Variants in BCAS3 observed in about 807,000 individuals in gnomAD.
BCAS3 encodes the protein BCAS4/BCAS3 fusion.
BCAS3 carries 53 observed loss-of-function variants against 116.1 expected under a neutral mutation model. That is an observed-to-expected ratio of 0.46 (90% CI 0.37 to 0.57). The LOEUF is 0.57. Among genes scored for constraint, BCAS3 ranks in the 20% least tolerant of loss-of-function variants. The probability of loss-of-function intolerance (pLI) is 0.00; values close to 1 mark genes in which losing one functional copy is unlikely to be tolerated. For missense variants in BCAS3, 917 were observed against 1,165.4 expected (o/e 0.79, Z 3.10); for synonymous variants, 391 against 408.2 (o/e 0.96, Z 0.51).
At chr17:61,304,858 A>G (rs748074637) in intron 22 of BCAS3, among the ~76,000 whole-genome samples, 10 of 151,348 alleles carry the variant, frequency 6.6e-5, no homozygotes, top group Non-Finnish European at 1.5e-4. Flanking sequence ...GGTTCAAGGG[A>G]TTCTTCTGCC....
chr17:60,967,022 G>A lies in BCAS3; in HGVS notation c.1221+19670G>A, dbSNP rs1244514651. On this transcript the variant is annotated intron_variant, in intron 14 of 23. Coordinates refer to ENST00000407086, the MANE Select transcript of BCAS3 (RefSeq NM_017679.5). The surrounding 1 kb of genome is among the most constrained non-coding windows in gnomAD (Gnocchi z 4.7). ...TATGTTTTAACAGGTTGCTAATAGCGATTATTATTTTTGATAGATTTATCT... is the reference window on the plus strand; with the variant it reads ...TATGTTTTAACAGGTTGCTAATAGCAATTATTATTTTTGATAGATTTATCT... Among the ~76,000 whole-genome samples the A allele has an allele frequency of 6.6e-6, 1 of 152,054 alleles. No individual in the cohort carries two copies. The highest frequency in any genetic ancestry group is 1.5e-5 in the Non-Finnish European group (1 of 67,996).
chr17:61,128,469 G>A lies in BCAS3; in HGVS notation c.2425+43905G>A, dbSNP rs1335251819. 4 of 985,310 alleles carry A rather than the reference G, an allele frequency of 4.1e-6. No individual in the cohort carries two copies. The highest frequency in any genetic ancestry group is 9.4e-5 in the South Asian group (2 of 21,292). 61.0% of individuals were successfully genotyped at this position (985,310 alleles called of 1,614,324 possible). ...AGTAATAATAATAGATTTGGAGAAT[G>A]TTCTGTGTTTTCAAAGACAGAGGTT... On this transcript the variant is annotated intron_variant, in intron 22 of 23. Coordinates refer to ENST00000407086, the MANE Select transcript of BCAS3 (RefSeq NM_017679.5). The surrounding 1 kb of genome is among the most constrained non-coding windows in gnomAD (Gnocchi z 4.1).
chr17:60,982,729 C>T (rs2062887983), intron 14 of BCAS3, among the ~76,000 whole-genome samples: 1 of 147,698 alleles, frequency 6.8e-6, no homozygotes, highest in African/African-American at 2.7e-5. Flanking sequence ...TTTTGAATTG[C>T]ATCAACAAAA....
At chr17:60,741,735 G>C (rs2041565544) in intron 5 of BCAS3, among the ~76,000 whole-genome samples, 1 of 152,182 alleles carries the variant, frequency 6.6e-6, no homozygotes, top group Non-Finnish European at 1.5e-5. Flanking sequence ...ATGTGGAGCA[G>C]ATAGAACTCT....
At chr17:60,700,374 T>C (rs1413587267) in intron 4 of BCAS3, among the ~76,000 whole-genome samples, 2 of 152,196 alleles carry the variant, frequency 1.3e-5, no homozygotes, top group East Asian at 3.8e-4. Context: ...AAGTGGTTCC[T>C]GGCTTTGCCA....
rs2051214795 is a variant in BCAS3, at chr17:61,281,225, C to T, written c.2426-87102C>T. 6.6e-6 allele frequency among the ~76,000 whole-genome samples: 1 copy of T among 152,174 alleles called. No individual in the cohort carries two copies. Among genetic ancestry groups the T allele is most frequent in the South Asian group, 2.1e-4 (1 of 4,824 alleles). ...ACATAGTTTTCCACAATTTATTTCACAATGCCTATTGTTGGATGTATAGAT... is the reference window on the plus strand; with the variant it reads ...ACATAGTTTTCCACAATTTATTTCATAATGCCTATTGTTGGATGTATAGAT... On this transcript the variant is annotated intron_variant, in intron 22 of 23. Coordinates refer to ENST00000407086, the MANE Select transcript of BCAS3 (RefSeq NM_017679.5). This position sits in a 1 kb window ranked among gnomAD's most constrained non-coding sequence, Gnocchi z 4.2.
In BCAS3 at chr17:61,258,669, T is replaced by C. The variant is rs1371780408; in HGVS notation, c.2426-109658T>C. On this transcript the variant is annotated intron_variant, in intron 22 of 23. Transcript: ENST00000407086. The surrounding 1 kb of genome is among the most constrained non-coding windows in gnomAD (Gnocchi z 4.7). Reference sequence around the variant, plus strand: ...AGACTGATGTTCACTCCTTATTGCATGATTTTCTAAAGTGGAGAATTTTGG... The same window carrying C: ...AGACTGATGTTCACTCCTTATTGCACGATTTTCTAAAGTGGAGAATTTTGG... Among the ~76,000 whole-genome samples, 8 of 152,240 alleles carry C rather than the reference T, an allele frequency of 5.3e-5. No homozygotes were observed. The highest frequency in any genetic ancestry group is 1.4e-4 in the African/African-American group (6 of 41,464).
In BCAS3 at chr17:61,162,547, A is replaced by C. The variant is rs961857733; in HGVS notation, c.2425+77983A>C. ...AGTCTGTTGTACAGCAGCAAGACCA[A>C]GATGATTCCAGTAATAAGCCTTATT... On this transcript the variant is annotated intron_variant, in intron 22 of 23. Transcript: ENST00000407086. This position sits in a 1 kb window ranked among gnomAD's most constrained non-coding sequence, Gnocchi z 5.6. Among the ~76,000 whole-genome samples, 2 of 152,248 alleles carry C rather than the reference A, an allele frequency of 1.3e-5. No individual in the cohort carries two copies. The highest frequency in any genetic ancestry group is 2.9e-5 in the Non-Finnish European group (2 of 68,048).
chr17:61,045,991 ATATATATATAATATATATAT>A (rs2068180773), intron 19 of BCAS3, among the ~76,000 whole-genome samples: 4 of 9,212 alleles, frequency 4.3e-4, no homozygotes, highest in African/African-American at 3.9e-3. Flanking sequence ...ATATATATTT[ATATATATATAATATATATAT>A]TTATATATAT....
chr17:60,764,572 G>T (rs1598544809), intron 6 of BCAS3, among the ~76,000 whole-genome samples: 1 of 152,056 alleles, frequency 6.6e-6, no homozygotes, highest in African/African-American at 2.4e-5. Flanking sequence ...AGTTTGTTGT[G>T]ATTTCTGTTC....
At chr17:60,714,831 A>G (rs1017440682) in intron 5 of BCAS3, among the ~76,000 whole-genome samples, 1 of 152,196 alleles carries the variant, frequency 6.6e-6, no homozygotes, top group Non-Finnish European at 1.5e-5. Context: ...TTACTGCCCA[A>G]TCTCTACTGC....
At chr17:61,271,100 T>TA (rs1177164298) in intron 22 of BCAS3, among the ~76,000 whole-genome samples, 1 of 150,778 alleles carries the variant, frequency 6.6e-6, no homozygotes, top group Non-Finnish European at 1.5e-5. Context: ...GTACATGGTG[T>TA]AAGGGAAGGA....
Position 60,960,263 on chromosome 17 carries a change from T to A in BCAS3, c.1221+12911T>A, listed in dbSNP as rs2061350123. Among the ~76,000 whole-genome samples the A allele has an allele frequency of 6.6e-6, 1 of 152,052 alleles. No homozygotes were observed. Among genetic ancestry groups the A allele is most frequent in the Admixed American group, 6.5e-5 (1 of 15,272 alleles). On this transcript the variant is annotated intron_variant, in intron 14 of 23. Coordinates refer to ENST00000407086, the MANE Select transcript of BCAS3 (RefSeq NM_017679.5). This position sits in a 1 kb window ranked among gnomAD's most constrained non-coding sequence, Gnocchi z 4.1. Reference sequence around the variant, plus strand: ...ACAGCATCAACTCTAAGTCTAAATTTTTTTTAAAAATATTATCGGCTCAAA... The same window carrying A: ...ACAGCATCAACTCTAAGTCTAAATTATTTTTAAAAATATTATCGGCTCAAA...
At chr17:61,273,454 T>A (rs776819975) in intron 22 of BCAS3, among the ~76,000 whole-genome samples, 3 of 152,230 alleles carry the variant, frequency 2.0e-5, no homozygotes, top group Non-Finnish European at 4.4e-5. Context: ...TTCTTTGTTC[T>A]GTATGTCATA....
rs1257505111 is a variant in BCAS3, at chr17:61,205,148, GA to G, written c.2425+120591del. On this transcript the variant is annotated intron_variant, in intron 22 of 23. Transcript: ENST00000407086. The surrounding 1 kb of genome is among the most constrained non-coding windows in gnomAD (Gnocchi z 5.2). ...TATTATTTTTCTCATTTCTACCTAT[GA>G]AAAAAAGGTTGAAACTGAAAGAAAA... Among the ~76,000 whole-genome samples the G allele has an allele frequency of 6.6e-6, 1 of 151,204 alleles. No homozygotes were observed. The highest frequency in any genetic ancestry group is 2.4e-5 in the African/African-American group (1 of 41,118).
At chr17:60,957,715 T>C (rs1274423099) in intron 14 of BCAS3, among the ~76,000 whole-genome samples, 3 of 152,216 alleles carry the variant, frequency 2.0e-5, no homozygotes, top group Non-Finnish European at 4.4e-5. Flanking sequence ...ACTTGGATGC[T>C]GATTAGTAAT....
intron 8 of BCAS3, among the ~76,000 whole-genome samples, chr17:60,871,053 A>G (rs927636662): frequency 2.0e-5 from 3 of 152,238 alleles, no homozygotes; most frequent in Non-Finnish European, 4.4e-5. Flanking sequence ...TCATTTGTCC[A>G]TTAAGTCTTC....
At chr17:60,907,355 T>G (rs2058241498) in intron 11 of BCAS3, among the ~76,000 whole-genome samples, 1 of 152,174 alleles carries the variant, frequency 6.6e-6, no homozygotes, top group African/African-American at 2.4e-5. Context: ...ACCAGTGTGG[T>G]CAATTGATTT....
At position 61,348,467 on chromosome 17, in the gene BCAS3, A is replaced by T. The variant is rs2057637058; in HGVS notation, c.2426-19860A>T. On this transcript the variant is annotated intron_variant, in intron 22 of 23. Transcript: ENST00000407086. The surrounding 1 kb of genome is among the most constrained non-coding windows in gnomAD (Gnocchi z 4.5). ...ACTGGGTATTTGTAAGCGTTAGAGT[A>T]GCTGAACTCACCCAAGAATAGTTTA... 6.6e-6 allele frequency among the ~76,000 whole-genome samples: 1 copy of T among 152,184 alleles called. No homozygotes were observed. The highest frequency in any genetic ancestry group is 6.5e-5 in the Admixed American group (1 of 15,284).
Sources: gnomAD v4.1 joint callset for allele counts (sites outside exome capture counted in the v4.1 genomes callset) on GRCh38, gnomAD v4.1.1 for gene constraint, Gnocchi (gnomAD v3.1) non-coding constraint, MANE v1.5 for transcripts, NCBI Gene and HGNC (gene_info 2026-07-23, HGNC 2026-07-21) for gene names.